The following RASSF8 variants were observed in gnomAD, a reference collection of about 807,000 sequenced individuals.
RASSF8 encodes the protein Ras association domain family member 8.
In RASSF8, 22 loss-of-function variants were observed where a neutral mutation model predicts 48.5. That is an observed-to-expected ratio of 0.45 (90% CI 0.32 to 0.65). The LOEUF (loss-of-function observed/expected upper bound fraction) is 0.65, where lower values mean the gene tolerates loss of function less well. Among genes scored for constraint, RASSF8 ranks in the 30% least tolerant of loss-of-function variants. The pLI is 0.03. For missense variants in RASSF8, 418 were observed against 489.2 expected (o/e 0.85, Z 1.37); for synonymous variants, 127 against 171.5 (o/e 0.74, Z 2.03).
At chr12:26,066,837 A>G (rs1943886614) in intron 4 of RASSF8, among the ~76,000 whole-genome samples, 1 of 152,202 alleles carries the variant, frequency 6.6e-6, no homozygotes, top group African/African-American at 2.4e-5. Flanking sequence ...ACAGTAGAGG[A>G]AAGAAAGAAA....
downstream of RASSF8, among the ~76,000 whole-genome samples, chr12:26,075,991 ATCTCGACAAGCTAAAAAGG>A (rs1258148007): frequency 6.6e-6 from 1 of 152,176 alleles, no homozygotes; most frequent in Non-Finnish European, 1.5e-5. Flanking sequence ...ATCCCAGCCC[ATCTCGACAAGCTAAAAAGG>A]TCTTTTTATT....
intron 1 of RASSF8, among the ~76,000 whole-genome samples, chr12:25,980,068 C>T (rs1347775914): frequency 1.3e-5 from 2 of 152,212 alleles, no homozygotes; most frequent in African/African-American, 4.8e-5. Flanking sequence ...TAGCTCCTAT[C>T]CTTAAGGACT....
At chr12:26,011,778 A>C (rs1942531102) in intron 2 of RASSF8, 1 of 152,232 alleles carries the variant, frequency 6.6e-6, no homozygotes, top group South Asian at 2.1e-4. Flanking sequence ...CCCGACGCTG[A>C]GTCTGACGGT....
chr12:26,015,406 T>G (rs2137039806), intron 2 of RASSF8, among the ~76,000 whole-genome samples: 1 of 152,246 alleles, frequency 6.6e-6, no homozygotes, highest in South Asian at 2.1e-4. Context: ...GCGTTTACGT[T>G]TCTAGAAAAT....
intron 1 of RASSF8, among the ~76,000 whole-genome samples, chr12:25,983,389 C>T (rs1408481040): frequency 6.6e-6 from 1 of 152,140 alleles, no homozygotes; most frequent in African/African-American, 2.4e-5. Context: ...TTGACTGTGA[C>T]CCACAGAAAG....
At chr12:26,035,469 TATTATATAATTATATAATTATATGAA>T (rs1269006799) in intron 2 of RASSF8, among the ~76,000 whole-genome samples, 26 of 109,660 alleles carry the variant, frequency 2.4e-4, no homozygotes, top group African/African-American at 7.9e-4. Flanking sequence ...TATATAATTA[TATTATATAATTATATAATTATATGAA>T]ATTATATAAT....
chr12:26,016,935 T>G (rs1436144972), intron 2 of RASSF8, among the ~76,000 whole-genome samples: 2 of 152,232 alleles, frequency 1.3e-5, no homozygotes, highest in African/African-American at 4.8e-5. Context: ...TTCTTTCATT[T>G]ATCTGCTGTG....
intron 2 of RASSF8, among the ~76,000 whole-genome samples, chr12:26,049,952 T>C (rs1943455052): frequency 6.6e-6 from 1 of 152,002 alleles, no homozygotes; most frequent in Admixed American, 6.5e-5. Flanking sequence ...GCCCGGCTAA[T>C]TTTTTGTATT....
At chr12:26,075,791 AAC>A (rs1363274884), downstream of RASSF8, among the ~76,000 whole-genome samples, 1 of 152,192 alleles carries the variant, frequency 6.6e-6, no homozygotes, top group Non-Finnish European at 1.5e-5. Context: ...AACAATCAGC[AAC>A]AGTCACCACA....
In RASSF8 at chr12:26,064,889, G is replaced by C; in HGVS notation, c.495G>C (p.Glu165Asp). ...ATAACTGCAAAACAACAGCAGATGA[G>C]TTGAAGAAGCTAATCCGTCTGCAGA... ...VLNNCKTTAD[E>D]LKKLIRLQTE... The change falls in exon 4 of 6, where the codon GAG (glutamate) becomes GAC (aspartate). Residue 165 changes from glutamate (E) to aspartate (D), a missense_variant. Coordinates refer to ENST00000689635, the MANE Select transcript of RASSF8 (RefSeq NM_001394098.1). The C allele has an allele frequency of 6.2e-7, 1 of 1,614,212 alleles. No individual in the cohort carries two copies. Among genetic ancestry groups the C allele is most frequent in the Non-Finnish European group, 8.5e-7 (1 of 1,180,042 alleles).
rs752040523 is a variant in RASSF8, at chr12:26,065,262, G to A, written c.868G>A (p.Glu290Lys). 3 of 1,614,082 alleles carry A rather than the reference G, an allele frequency of 1.9e-6. No homozygotes were observed. The highest frequency in any genetic ancestry group is 2.5e-6 in the Non-Finnish European group (3 of 1,180,030). Residue 290 changes from glutamate (E) to lysine (K), a missense_variant, in exon 4 of 6, where the codon GAG (glutamate) becomes AAG (lysine). Transcript: ENST00000689635. ...EVQEAQVNEE[E>K]VKGKIGKVKG... ...TCAAGAGGCACAGGTCAATGAGGAA[G>A]AGGTTAAAGGAAAGATCGGTAAGGT...
At chr12:26,065,460 T>C (rs1332783993) in intron 4 of RASSF8, 73 bp downstream of exon 4, 1 of 1,478,332 alleles carries the variant, frequency 6.8e-7, no homozygotes, top group Non-Finnish European at 9.0e-7. Flanking sequence ...CTTTTCATCA[T>C]TGTCAATTTT....
At chr12:26,035,431 A>ATAATTATATAAGTATATGAAATTATG in intron 2 of RASSF8, among the ~76,000 whole-genome samples, 1 of 35,918 alleles carries the variant, frequency 2.8e-5, no homozygotes, top group Non-Finnish European at 7.5e-5. Flanking sequence ...ATGAAATTAT[A>ATAATTATATAAGTATATGAAATTATG]TAATTATATA....
intron 2 of RASSF8, among the ~76,000 whole-genome samples, chr12:26,006,614 C>T (rs1337283484): frequency 6.6e-6 from 1 of 152,090 alleles, no homozygotes; most frequent in African/African-American, 2.4e-5. Context: ...AAACCAGACA[C>T]TTTGGAGAGG....
intron 1 of RASSF8, among the ~76,000 whole-genome samples, chr12:25,969,560 C>A (rs984496013): frequency 6.6e-6 from 1 of 152,106 alleles, no homozygotes; most frequent in Non-Finnish European, 1.5e-5. Context: ...TTGCAACAAT[C>A]CGTGCAAGGG....
intron 2 of RASSF8, among the ~76,000 whole-genome samples, chr12:26,030,922 C>T (rs573554262): frequency 2.0e-5 from 3 of 152,206 alleles, no homozygotes; most frequent in Admixed American, 2.0e-4. Flanking sequence ...TGAATGAACC[C>T]GACTGTTTTC....
chr12:26,076,777 C>T (rs1944076420), downstream of RASSF8, among the ~76,000 whole-genome samples: 1 of 152,176 alleles, frequency 6.6e-6, no homozygotes, highest in Non-Finnish European at 1.5e-5. Context: ...TGGGTATATA[C>T]CCAGTAATGG....
intron 2 of RASSF8, among the ~76,000 whole-genome samples, chr12:26,019,819 C>T (rs1942745467): frequency 6.6e-6 from 1 of 151,960 alleles, no homozygotes; most frequent in African/African-American, 2.4e-5. Flanking sequence ...GATTTTAATG[C>T]TGTATTTTAA....
Position 26,069,544 on chromosome 12 carries a change from T to C in RASSF8, c.*726T>C. On this transcript the variant is annotated 3_prime_UTR_variant, in exon 6 of 6. Coordinates refer to ENST00000689635, the MANE Select transcript of RASSF8 (RefSeq NM_001394098.1). Reference sequence around the variant, plus strand: ...TGTATGTATAAAACATTTGCAGTGTTTCAGACACTGTTGAACAAAAATGTA... The same window carrying C: ...TGTATGTATAAAACATTTGCAGTGTCTCAGACACTGTTGAACAAAAATGTA... 1 of 985,456 alleles carries C rather than the reference T, an allele frequency of 1.0e-6. No homozygotes were observed. The highest frequency in any genetic ancestry group is 1.2e-6 in the Non-Finnish European group (1 of 829,922). 61.0% of individuals were successfully genotyped at this position (985,456 alleles called of 1,614,324 possible).
Sources: allele counts gnomAD v4.1 joint callset (sites outside exome capture counted in the v4.1 genomes callset), GRCh38; gene constraint gnomAD v4.1.1; transcripts MANE v1.5; gene names NCBI Gene and HGNC (gene_info 2026-07-23, HGNC 2026-07-21).